Variants in PRPF8 observed in about 807,000 individuals in gnomAD.
PRPF8 encodes the protein pre-mRNA processing factor 8.
In PRPF8, 64 loss-of-function variants were observed where a neutral mutation model predicts 285.9. The observed-to-expected ratio is 0.22, with a 90% CI of 0.18 to 0.28. PRPF8 has a LOEUF of 0.28. Among genes scored for constraint, PRPF8 ranks in the 10% least tolerant of loss-of-function variants. The pLI, the probability that PRPF8 is intolerant of heterozygous loss-of-function variation, is 1.00. For missense variants in PRPF8, 1,426 were observed against 3,026.7 expected (o/e 0.47, Z 12.41); for synonymous variants, 1,325 against 1,118.2 (o/e 1.18, Z -3.69).
rs755962697 is a variant in PRPF8, at chr17:1,651,160, G to A, written c.6801C>T (p.Phe2267=). ...ERVQMLLSDR[F]LGFFMVPAQS... ...GGGCAGGGACCATGAAGAAGCCAAG[G>A]AAACGGTCCGACAGCAGCATCTGCA... The change falls in exon 42 of 43, where the codon TTC becomes TTT. Residue 2267 remains phenylalanine (F), a synonymous_variant. Coordinates refer to ENST00000304992, the MANE Select transcript of PRPF8 (RefSeq NM_006445.4). This position sits in a 1 kb window ranked among gnomAD's most constrained non-coding sequence, Gnocchi z 5.1. The A allele has an allele frequency of 8.1e-6, 13 of 1,614,198 alleles. No individual in the cohort carries two copies. The East Asian group carries it at 1.8e-4, about 22-fold the overall frequency.
intron 13 of PRPF8, 134 bp downstream of exon 13, chr17:1,678,384 G>A (rs1912726959): frequency 1.7e-6 from 2 of 1,166,722 alleles, no homozygotes; most frequent in African/African-American, 1.5e-5. Context: ...TCGGGAGGCT[G>A]AGGCAGGAGA....
rs779295261 is a variant in PRPF8 at position 1,650,680 on chromosome 17, CAGG to C, written c.*119_*121del. The C allele has an allele frequency of 3.6e-6, 4 of 1,102,670 alleles. No homozygotes were observed. The highest frequency in any genetic ancestry group is 5.5e-6 in the Non-Finnish European group (4 of 725,510). The allele number at this position is 1,102,670 out of a possible 1,614,324, so 68.3% of individuals were successfully genotyped here. ...TATTTTATTCAGGATGACAAGCCAT[CAGG>C]AGGTCAACAACACAAGCACAGACAG... is the stretch of plus-strand genomic sequence containing the variant. On this transcript the variant is annotated 3_prime_UTR_variant, in exon 43 of 43. Transcript: ENST00000304992.
rs1391876519 is a variant in PRPF8, at chr17:1,655,541, G to T, written c.5796C>A (p.Ala1932=). ...GCAGAATCAGGATGAGACGGGAGAA[G>T]GCCTGGGAAAAGATTTGGAAGAGTG... ...DWLKTISSYT[A]FSRLILILRA... is the part of the protein sequence containing the mutation. Residue 1932 remains alanine, a splice_region_variant and synonymous_variant, in exon 37 of 43, where the codon GCC becomes GCA. Coordinates refer to ENST00000304992, the MANE Select transcript of PRPF8 (RefSeq NM_006445.4). The T allele has an allele frequency of 1.2e-6, 2 of 1,612,186 alleles. No individual in the cohort carries two copies. Among genetic ancestry groups the T allele is most frequent in the Non-Finnish European group, 1.7e-6 (2 of 1,178,226 alleles).
chr17:1,656,272 CAG>C, intron 36 of PRPF8, 118 bp downstream of exon 36: 2 of 1,282,502 alleles, frequency 1.6e-6, no homozygotes, highest in Non-Finnish European at 2.3e-6. Context: ...TGAAAGTCAA[CAG>C]AGTTCCCACC....
rs1037345206 is a variant in PRPF8 at position 1,681,008 on chromosome 17, G to T, written c.913C>A (p.Arg305=). The T allele has an allele frequency of 1.2e-6, 2 of 1,613,006 alleles. No individual in the cohort carries two copies. Among genetic ancestry groups the T allele is most frequent in the Non-Finnish European group, 1.7e-6 (2 of 1,179,122 alleles). ...TTGTACTCAGTGCGGATAGGCTGCC[G>T]GATGATAATCTTGTTAATATCATTG... The part of the protein sequence containing the change: ...EFNDINKIII[R]QPIRTEYKIA... Residue 305 remains arginine (R), a synonymous_variant, in exon 7 of 43, where the codon CGG becomes AGG. Coordinates refer to ENST00000304992, the MANE Select transcript of PRPF8 (RefSeq NM_006445.4).
At chr17:1,660,929 G>C (rs1459494148) in intron 28 of PRPF8, 64 bp downstream of exon 28, 1 of 1,612,418 alleles carries the variant, frequency 6.2e-7, no homozygotes, top group Non-Finnish European at 8.5e-7. Flanking sequence ...GGAAATCACA[G>C]AGGCATACAA....
chr17:1,668,356 T>G (rs867557493), intron 24 of PRPF8, among the ~76,000 whole-genome samples: 22 of 113,090 alleles, frequency 1.9e-4, no homozygotes, highest in African/African-American at 8.2e-4. Context: ...CTAGCATTCT[T>G]TTTTTTTTTT....
chr17:1,669,262 G>A (rs566802188), intron 24 of PRPF8, among the ~76,000 whole-genome samples: 14 of 152,104 alleles, frequency 9.2e-5, no homozygotes, highest in South Asian at 6.2e-4. Context: ...ACCCGCCACC[G>A]CGCCTGGCTA....
chr17:1,675,052 C>T lies in PRPF8; in HGVS notation c.3060+100G>A, dbSNP rs1912541677. 6.4e-6 allele frequency: 9 copies of T among 1,411,550 alleles called. No individual in the cohort carries two copies. The South Asian group carries it at 9.4e-5, about 15-fold the overall frequency. The allele number at this position is 1,411,550 out of a possible 1,614,324, so 87.4% of individuals were successfully genotyped here. On this transcript the variant is annotated intron_variant, in intron 20 of 42. Coordinates refer to ENST00000304992, the MANE Select transcript of PRPF8 (RefSeq NM_006445.4). The surrounding 1 kb of genome is among the most constrained non-coding windows in gnomAD (Gnocchi z 6.0). ...CCTCCCAAAGTGCTGGGATTACAGGCATGAGCCACCGCACCCAGCCTCCTC... is the reference window on the plus strand; with the variant it reads ...CCTCCCAAAGTGCTGGGATTACAGGTATGAGCCACCGCACCCAGCCTCCTC...
rs1912566822 is a variant in PRPF8, at chr17:1,675,564, A to G, written c.2872+56T>C. ...TCATGCTACCCAGATGAGATTTTTG[A>G]CGTAGAACTAAATTCCTGCCCCGTT... On this transcript the variant is annotated intron_variant, in intron 19 of 42. Transcript: ENST00000304992. This position sits in a 1 kb window ranked among gnomAD's most constrained non-coding sequence, Gnocchi z 6.0. The G allele has an allele frequency of 3.7e-6, 6 of 1,604,478 alleles. No individual in the cohort carries two copies. In the South Asian group the frequency reaches 6.6e-5, roughly 18 times the overall value.
intron 24 of PRPF8, among the ~76,000 whole-genome samples, chr17:1,670,227 A>G (rs1224778111): frequency 6.6e-6 from 1 of 152,214 alleles, no homozygotes; most frequent in Non-Finnish European, 1.5e-5. Context: ...CTCCATCTGA[A>G]TGTTCTCAGG....
At position 1,682,174 on chromosome 17, in the gene PRPF8, T is replaced by C. The variant is rs201671566; in HGVS notation, c.389A>G (p.Asn130Ser). 216 of 1,614,018 alleles carry C rather than the reference T, an allele frequency of 1.3e-4. No individual in the cohort carries two copies. The highest frequency in any genetic ancestry group is 4.0e-4 in the African/African-American group (30 of 74,972). ...AGGTTCAATGACCCAGGGAATCTCA[T>C]TGACGAAGGAAATGGCTCCAGTGAT... Reference protein sequence around the residue: ...YHITGAISFVNEIPWVIEPVY... With the variant: ...YHITGAISFVSEIPWVIEPVY... Residue 130 changes from asparagine to serine, a missense_variant, in exon 4 of 43, where the codon AAT becomes AGT. Transcript: ENST00000304992.
At chr17:1,681,119 C>A in intron 6 of PRPF8, 65 bp from the exon 7 acceptor site, 1 of 1,528,534 alleles carries the variant, frequency 6.5e-7, no homozygotes, top group Non-Finnish European at 9.0e-7. Flanking sequence ...ACTCTTATCA[C>A]CCAAGCTGGA....
At position 1,684,861 on chromosome 17, in the gene PRPF8, G is replaced by A. The variant is rs1335569016; in HGVS notation, c.-93C>T. The A allele has an allele frequency of 3.4e-6, 2 of 596,720 alleles. No homozygotes were observed. Among genetic ancestry groups the A allele is most frequent in the Middle Eastern group, 8.9e-4 (2 of 2,242 alleles). 37.0% of individuals were successfully genotyped at this position (596,720 alleles called of 1,614,324 possible). On this transcript the variant is annotated 5_prime_UTR_variant, in exon 1 of 43. Transcript: ENST00000304992. ...GCGTCCGCTCCGCGTTCCCAGCGCC[G>A]GGAAGTGCGCAACCCGAGTTCAGCA...
Position 1,661,951 on chromosome 17 carries a change from C to A in PRPF8, c.3977G>T (p.Gly1326Val). 3.7e-6 allele frequency: 6 copies of A among 1,614,132 alleles called. No individual in the cohort carries two copies. The highest frequency in any genetic ancestry group is 2.5e-6 in the Non-Finnish European group (3 of 1,180,030). ...FYTPKELGGL[G>V]MLSMGHVLIP... ...GAGCACATGGCCCATTGAGAGCATG[C>A]CGAGTCCACCCAACTCCTTAGGGGT... The change falls in exon 25 of 43, where the codon GGC (glycine) becomes GTC (valine). Residue 1326 changes from glycine (G) to valine (V), a missense_variant. By Grantham distance (109) the Gly-to-Val change is moderately radical (BLOSUM62 -3). This residue lies in a region of PRPF8 where 25 missense variants were observed against 106.8 expected (regional missense o/e 0.23). Transcript: ENST00000304992. This position sits in a 1 kb window ranked among gnomAD's most constrained non-coding sequence, Gnocchi z 7.3.
chr17:1,678,752 C>G lies in PRPF8; in HGVS notation c.1719+10G>C, dbSNP rs1002296234. 2.5e-6 allele frequency: 4 copies of G among 1,614,046 alleles called. No individual in the cohort carries two copies. The Admixed American group carries it at 6.7e-5, about 27-fold the overall frequency. On this transcript the variant is annotated intron_variant, in intron 12 of 42. Transcript: ENST00000304992. The stretch of plus-strand genomic sequence containing the variant: ...TCACCCAGGCAGGGGTTGGGAATAC[C>G]TAACCTTACCTGGAAGGCATCCACA...
intron 24 of PRPF8, among the ~76,000 whole-genome samples, chr17:1,667,700 C>G (rs568252151): frequency 6.6e-6 from 1 of 152,042 alleles, no homozygotes; most frequent in Non-Finnish European, 1.5e-5. Context: ...TGTGCCACCA[C>G]GCCTGGCTAA....
chr17:1,668,252 T>C (rs551478721), intron 24 of PRPF8, among the ~76,000 whole-genome samples: 3 of 152,260 alleles, frequency 2.0e-5, no homozygotes, highest in African/African-American at 7.2e-5. Context: ...CTCTAACTTC[T>C]GATATCCAGT....
Position 1,655,562 on chromosome 17 carries a change from G to A in PRPF8, c.5794-19C>T. ...AGAAGGCCTGGGAAAAGATTTGGAA[G>A]AGTGGGGTAGGTCAGCTGCTTGAGG... On this transcript the variant is annotated intron_variant, in intron 36 of 42. Transcript: ENST00000304992. 1 of 1,591,954 alleles carries A rather than the reference G, an allele frequency of 6.3e-7. No individual in the cohort carries two copies. Among genetic ancestry groups the A allele is most frequent in the Non-Finnish European group, 8.6e-7 (1 of 1,159,844 alleles).
Sources: allele counts gnomAD v4.1 joint callset (sites outside exome capture counted in the v4.1 genomes callset), GRCh38; gene constraint gnomAD v4.1.1; regional missense constraint gnomAD v4.1.1; non-coding constraint Gnocchi (gnomAD v3.1); transcripts MANE v1.5; gene names NCBI Gene and HGNC (gene_info 2026-07-23, HGNC 2026-07-21).